The following FOXN3 variants were observed in gnomAD, a reference collection of about 807,000 sequenced individuals.
FOXN3 encodes forkhead box protein N3.
A neutral mutation model predicts 38.4 loss-of-function variants in FOXN3; 7 were observed. The ratio of observed to expected loss-of-function variants is 0.18; its 90% CI spans 0.10 to 0.34. The LOEUF (loss-of-function observed/expected upper bound fraction) is 0.34, where lower values mean the gene tolerates loss of function less well. Among genes scored for constraint, FOXN3 ranks in the 10% least tolerant of loss-of-function variants. The probability of loss-of-function intolerance (pLI) is 1.00; values close to 1 mark genes in which losing one functional copy is unlikely to be tolerated. For synonymous variants in FOXN3, 230 were observed against 242.2 expected, an observed-to-expected ratio of 0.95 and a Z score of 0.47; for missense variants, 456 against 613.4, an observed-to-expected ratio of 0.74 and a Z score of 2.71.
At chr14:89,363,446 T>C (rs888389913) in intron 2 of FOXN3, among the ~76,000 whole-genome samples, 6 of 152,234 alleles carry the variant, frequency 3.9e-5, no homozygotes, top group Admixed American at 3.9e-4. Flanking sequence ...TCCCCACATG[T>C]AGCTCCCAAC....
At chr14:89,571,582 G>C (rs1441739498) in intron 1 of FOXN3, among the ~76,000 whole-genome samples, 1 of 151,598 alleles carries the variant, frequency 6.6e-6, no homozygotes, top group Non-Finnish European at 1.5e-5. Context: ...TTTATATAAA[G>C]ATCAGAAAGT....
intron 3 of FOXN3, among the ~76,000 whole-genome samples, chr14:89,309,493 A>T (rs1050748541): frequency 1.3e-5 from 2 of 152,204 alleles, no homozygotes; most frequent in African/African-American, 2.4e-5. Context: ...TTTCACAGAA[A>T]AGTCTGTGCT....
rs377207403 is a variant in FOXN3 at position 89,351,001 on chromosome 14, T to A, written c.544-193A>T. 3.5e-5 allele frequency: 14 copies of A among 394,418 alleles called. No individual in the cohort carries two copies. In the South Asian group the frequency reaches 1.4e-3, roughly 39 times the overall value. 24.4% of individuals were successfully genotyped at this position (394,418 alleles called of 1,614,324 possible). A position where few individuals can be genotyped will look rare whatever the true frequency, so the allele number is the denominator to read the frequency against. On this transcript the variant is annotated intron_variant, in intron 2 of 5. Transcript: ENST00000557258. Reference sequence around the variant, plus strand: ...TCAATCTTACTTGTATTATGTTTGATAGGCAAAATGAACATATTATTACCA... The same window carrying A: ...TCAATCTTACTTGTATTATGTTTGAAAGGCAAAATGAACATATTATTACCA...
intron 4 of FOXN3, chr14:89,190,579 T>A: frequency 1.6e-6 from 1 of 643,240 alleles, no homozygotes; most frequent in Non-Finnish European, 2.6e-6. Context: ...GGATGAGCTA[T>A]CCCAAAGGCG....
chr14:89,410,837 C>T (rs1015401452), intron 2 of FOXN3, among the ~76,000 whole-genome samples: 1 of 150,870 alleles, frequency 6.6e-6, no homozygotes, highest in African/African-American at 2.4e-5. Context: ...CACACCATTG[C>T]ACTCCAGCCT....
intron 3 of FOXN3, among the ~76,000 whole-genome samples, chr14:89,291,997 A>G (rs1319930160): frequency 6.6e-6 from 1 of 152,136 alleles, no homozygotes; most frequent in Non-Finnish European, 1.5e-5. Context: ...GAACCCAGGA[A>G]CACTGGCCCC....
intron 2 of FOXN3, among the ~76,000 whole-genome samples, chr14:89,394,209 GTTC>G (rs1891040525): frequency 7.5e-6 from 1 of 132,856 alleles, no homozygotes; most frequent in South Asian, 2.3e-4. Context: ...GGGGATCGAC[GTTC>G]TTTTTTTTTT....
chr14:89,524,400 A>C (rs1187343602), intron 1 of FOXN3, among the ~76,000 whole-genome samples: 1 of 54,424 alleles, frequency 1.8e-5, no homozygotes, highest in Non-Finnish European at 2.9e-5. Flanking sequence ...AAAAAAAAAA[A>C]AAAGAAAGAA....
intron 1 of FOXN3, among the ~76,000 whole-genome samples, chr14:89,594,979 C>T (rs1566712610): frequency 6.6e-6 from 1 of 152,134 alleles, no homozygotes; most frequent in East Asian, 1.9e-4. Flanking sequence ...TGGGATTACA[C>T]TGACTCTATA....
intron 3 of FOXN3, among the ~76,000 whole-genome samples, chr14:89,333,961 G>A (rs11624582): frequency 0.41 from 24,417 of 58,950 alleles, 2,663 homozygotes; most frequent in South Asian, 0.53. Flanking sequence ...AAGAAAATGT[G>A]GTGTGTATAT....
At chr14:89,224,410 G>A (rs1344092405) in intron 4 of FOXN3, among the ~76,000 whole-genome samples, 3 of 152,190 alleles carry the variant, frequency 2.0e-5, no homozygotes, top group African/African-American at 7.2e-5. Flanking sequence ...CTAAGGAGAG[G>A]TGAGAATTTA....
intron 4 of FOXN3, among the ~76,000 whole-genome samples, chr14:89,263,016 C>T (rs985591838): frequency 2.0e-5 from 3 of 152,138 alleles, no homozygotes; most frequent in Non-Finnish European, 4.4e-5. Context: ...AATTATAGAT[C>T]GCAGTGAAAT....
chr14:89,473,830 A>G (rs978426745), intron 1 of FOXN3, among the ~76,000 whole-genome samples: 2 of 152,234 alleles, frequency 1.3e-5, no homozygotes, highest in African/African-American at 2.4e-5. Flanking sequence ...CAAGTTCAAC[A>G]TCATTATCTC....
chr14:89,171,586 G>A (rs146362697), intron 5 of FOXN3, among the ~76,000 whole-genome samples: 239 of 152,096 alleles, frequency 1.6e-3, no homozygotes, highest in African/African-American at 5.4e-3. Context: ...TGCAAGTTTT[G>A]TTCAAAACGA....
At chr14:89,257,111 C>T (rs1234126152) in intron 4 of FOXN3, among the ~76,000 whole-genome samples, 1 of 152,172 alleles carries the variant, frequency 6.6e-6, no homozygotes, top group African/African-American at 2.4e-5. Context: ...GTGAGAGTCC[C>T]CCAGGGCTAG....
intron 4 of FOXN3, among the ~76,000 whole-genome samples, chr14:89,239,333 CCAGAGAGAAAGATCTATTTTCTGTCCCT>C (rs1885074543): frequency 6.6e-6 from 1 of 152,154 alleles, no homozygotes; most frequent in Non-Finnish European, 1.5e-5. Flanking sequence ...TTTAAGAGAT[CCAGAGAGAAAGATCTATTTTCTGTCCCT>C]CAGATTTCTT....
intron 4 of FOXN3, among the ~76,000 whole-genome samples, chr14:89,188,861 A>G (rs1189882708): frequency 6.6e-6 from 1 of 152,214 alleles, no homozygotes; most frequent in East Asian, 1.9e-4. Flanking sequence ...AAAAAATTTA[A>G]AAACATATAC....
At chr14:89,204,074 C>G (rs1041832745) in intron 4 of FOXN3, among the ~76,000 whole-genome samples, 1 of 148,172 alleles carries the variant, frequency 6.7e-6, no homozygotes, top group African/African-American at 2.4e-5. Flanking sequence ...CACACACACA[C>G]ACACACACAC....
At chr14:89,579,174 A>G (rs1895695939) in intron 1 of FOXN3, among the ~76,000 whole-genome samples, 1 of 120,764 alleles carries the variant, frequency 8.3e-6, no homozygotes, top group African/African-American at 3.4e-5. Context: ...TTTTTTAGAC[A>G]AGGTCTCACC....
Sources: allele counts gnomAD v4.1 joint callset (sites outside exome capture counted in the v4.1 genomes callset), GRCh38; gene constraint gnomAD v4.1.1; transcripts MANE v1.5; gene names NCBI Gene and HGNC (gene_info 2026-07-23, HGNC 2026-07-21).